The following PEX5L variants were observed in gnomAD, a reference collection of about 807,000 sequenced individuals.
PEX5L encodes the protein peroxisomal biogenesis factor 5 like.
In PEX5L, 30 loss-of-function variants were observed where a neutral mutation model predicts 84.0. The observed-to-expected ratio is 0.36, with a 90% CI of 0.27 to 0.48. PEX5L has a LOEUF of 0.48. Ranked by LOEUF, PEX5L falls within the 20% of genes least tolerant of loss-of-function variation. The pLI, the probability that PEX5L is intolerant of heterozygous loss-of-function variation, is 0.99. For synonymous variants in PEX5L, 270 were observed against 283.1 expected, an observed-to-expected ratio of 0.95 and a Z score of 0.46; for missense variants, 533 against 754.6, an observed-to-expected ratio of 0.71 and a Z score of 3.44.
chr3:180,015,935 T>C (rs987620789), intron 1 of PEX5L, among the ~76,000 whole-genome samples: 2 of 150,380 alleles, frequency 1.3e-5, no homozygotes, highest in Non-Finnish European at 3.0e-5. Context: ...AAAAGTAGGA[T>C]GAATAATCAA....
intron 1 of PEX5L, among the ~76,000 whole-genome samples, chr3:180,014,450 T>C (rs535733783): frequency 8.0e-4 from 119 of 149,394 alleles, no homozygotes; most frequent in Non-Finnish European, 1.4e-3. Flanking sequence ...CCAGCCTGGG[T>C]GACAGAGCGA....
chr3:179,813,664 A>ATTTTT (rs35351586), intron 10 of PEX5L, among the ~76,000 whole-genome samples: 3 of 96,412 alleles, frequency 3.1e-5, no homozygotes, highest in African/African-American at 1.3e-4. Flanking sequence ...CACTCAACTA[A>ATTTTT]TTTTTTTTTT....
At position 179,796,396 on chromosome 3, in the gene PEX5L, CACTTGTCTCTAG is replaced by C. The variant is rs944057683; in HGVS notation, c.*5420_*5431del. On this transcript the variant is annotated 3_prime_UTR_variant, in exon 15 of 15. Coordinates refer to ENST00000467460, the MANE Select transcript of PEX5L (RefSeq NM_016559.3). ...TGAGAAAACAGTTCTGACATTGGGA[CACTTGTCTCTAG>C]ACTGTGTTATTTTGGTATTTCTGCA... 8.5e-5 allele frequency: 13 copies of C among 152,174 alleles called. No individual in the cohort carries two copies. Among genetic ancestry groups the C allele is most frequent in the Admixed American group, 5.9e-4 (9 of 15,286 alleles). The allele number at this position is 152,174 out of a possible 1,614,324, so 9.4% of individuals were successfully genotyped here.
intron 1 of PEX5L, among the ~76,000 whole-genome samples, chr3:179,985,308 C>T (rs1267115162): frequency 6.6e-6 from 1 of 152,176 alleles, no homozygotes; most frequent in Non-Finnish European, 1.5e-5. Context: ...CCAATTCAAG[C>T]ATGAAAGGTC....
chr3:179,890,967 ATTT>A (rs34215597), intron 3 of PEX5L, among the ~76,000 whole-genome samples: 5 of 143,544 alleles, frequency 3.5e-5, no homozygotes, highest in Non-Finnish European at 4.6e-5. Context: ...AGGTAAAAAA[ATTT>A]TTTTTTTTTT....
In PEX5L at chr3:179,943,109, T is replaced by C. The variant is rs141838453; in HGVS notation, c.93+28485A>G. On this transcript the variant is annotated intron_variant, in intron 2 of 14. Coordinates refer to ENST00000467460, the MANE Select transcript of PEX5L (RefSeq NM_016559.3). Reference sequence around the variant, plus strand: ...AACTATATGAGTTGAATATTATTGTTGTTATTATTATTTTACTATATTTAC... The same window carrying C: ...AACTATATGAGTTGAATATTATTGTCGTTATTATTATTTTACTATATTTAC... Among the ~76,000 whole-genome samples, 23 of 152,370 alleles carry C rather than the reference T, an allele frequency of 1.5e-4. No individual in the cohort carries two copies. The East Asian group carries it at 4.2e-3, about 28-fold the overall frequency.
chr3:179,936,871 G>C (rs543043541), intron 2 of PEX5L, among the ~76,000 whole-genome samples: 1 of 105,596 alleles, frequency 9.5e-6, no homozygotes, highest in South Asian at 3.1e-4. Flanking sequence ...ATTTAGTCTG[G>C]GCTTTCTGAA....
intron 1 of PEX5L, among the ~76,000 whole-genome samples, chr3:179,976,110 G>C (rs953073804): frequency 6.6e-6 from 1 of 152,204 alleles, no homozygotes; most frequent in African/African-American, 2.4e-5. Context: ...GAGTCCTAGA[G>C]AACAGTTGCA....
Position 180,036,820 on chromosome 3 carries a change from G to C in PEX5L, c.-221C>G, listed in dbSNP as rs1791949457. 1 of 577,542 alleles carries C rather than the reference G, an allele frequency of 1.7e-6. No homozygotes were observed. Among genetic ancestry groups the C allele is most frequent in the East Asian group, 2.8e-5 (1 of 35,278 alleles). The allele number at this position is 577,542 out of a possible 1,614,324, so 35.8% of individuals were successfully genotyped here. ...CTCGGGGTGCTGAAAGCGGACGCGG[G>C]AGAGCGCGCAGAGAAGGCGAGGAGC... On this transcript the variant is annotated 5_prime_UTR_variant, in exon 1 of 15. Coordinates refer to ENST00000467460, the MANE Select transcript of PEX5L (RefSeq NM_016559.3).
At chr3:179,902,585 T>C (rs1000798583) in intron 2 of PEX5L, 1 of 418,272 alleles carries the variant, frequency 2.4e-6, no homozygotes, top group Non-Finnish European at 4.7e-6. Flanking sequence ...TAGATCTTAG[T>C]AGGTTTATAC....
At chr3:179,899,335 A>C (rs540516127) in intron 2 of PEX5L, among the ~76,000 whole-genome samples, 2 of 152,262 alleles carry the variant, frequency 1.3e-5, no homozygotes, top group South Asian at 2.1e-4. Flanking sequence ...AAATAATTTT[A>C]TACTAAGAAA....
intron 2 of PEX5L, among the ~76,000 whole-genome samples, chr3:179,950,275 C>T (rs1280627180): frequency 1.3e-5 from 2 of 151,530 alleles, no homozygotes; most frequent in Non-Finnish European, 2.9e-5. Context: ...AAACAAACAC[C>T]GCATGTTCTC....
intron 4 of PEX5L, among the ~76,000 whole-genome samples, chr3:179,882,637 C>G (rs1754496431): frequency 2.0e-5 from 3 of 152,144 alleles, no homozygotes; most frequent in Non-Finnish European, 4.4e-5. Flanking sequence ...TGTGTGTGTC[C>G]TTTAGCTAAG....
intron 1 of PEX5L, among the ~76,000 whole-genome samples, chr3:179,977,722 T>C (rs1785943776): frequency 2.0e-5 from 3 of 152,192 alleles, no homozygotes. Flanking sequence ...TTTTCAGATG[T>C]TTAATTTTTC....
In PEX5L at chr3:179,875,277, T is replaced by C. The variant is rs1170171564; in HGVS notation, c.629+77A>G. 7 of 1,406,050 alleles carry C rather than the reference T, an allele frequency of 5.0e-6. No homozygotes were observed. The Admixed American group carries it at 1.2e-4, about 24-fold the overall frequency. The allele number at this position is 1,406,050 out of a possible 1,614,324, so 87.1% of individuals were successfully genotyped here. On this transcript the variant is annotated intron_variant, in intron 6 of 14. Coordinates refer to ENST00000467460, the MANE Select transcript of PEX5L (RefSeq NM_016559.3). ...TGTGATGCCAAGTATTTGGATTGAC[T>C]TAACTCTTTGGCTATTTCAGTGCCA...
At chr3:179,904,250 C>T (rs772890416) in intron 2 of PEX5L, among the ~76,000 whole-genome samples, 1 of 152,188 alleles carries the variant, frequency 6.6e-6, no homozygotes, top group Non-Finnish European at 1.5e-5. Flanking sequence ...CACATTTCTT[C>T]AGCCATCATC....
chr3:179,815,124 T>C (rs1056055997), intron 10 of PEX5L, among the ~76,000 whole-genome samples: 32 of 152,256 alleles, frequency 2.1e-4, no homozygotes, highest in African/African-American at 7.7e-4. Context: ...CCACCTGATA[T>C]GTTTTCTCAG....
At chr3:179,871,614 A>T (rs1483905785) in intron 7 of PEX5L, among the ~76,000 whole-genome samples, 1 of 152,108 alleles carries the variant, frequency 6.6e-6, no homozygotes, top group Non-Finnish European at 1.5e-5. Context: ...ACTGTAACCT[A>T]CTCCTGTGCC....
At chr3:179,971,387 C>A (rs1351026728) in intron 2 of PEX5L, among the ~76,000 whole-genome samples, 1 of 152,076 alleles carries the variant, frequency 6.6e-6, no homozygotes, top group African/African-American at 2.4e-5. Context: ...ATCATTCTTA[C>A]ATACAAAATA....
Sources: gnomAD v4.1 joint callset for allele counts (sites outside exome capture counted in the v4.1 genomes callset) on GRCh38, gnomAD v4.1.1 for gene constraint, MANE v1.5 for transcripts, NCBI Gene and HGNC (gene_info 2026-07-23, HGNC 2026-07-21) for gene names.